Variants in PRKCH observed in about 807,000 individuals in gnomAD.
The protein encoded by PRKCH is protein kinase C eta type.
A neutral mutation model predicts 82.5 loss-of-function variants in PRKCH; 28 were observed. The observed-to-expected ratio is 0.34, with a 90% CI of 0.25 to 0.47. The LOEUF (loss-of-function observed/expected upper bound fraction) is 0.47, where lower values mean the gene tolerates loss of function less well. PRKCH is among the 20% of genes least tolerant of loss of function. The pLI is 1.00. For missense variants in PRKCH, 705 were observed against 881.8 expected (o/e 0.80, Z 2.54); for synonymous variants, 322 against 327.4 (o/e 0.98, Z 0.18).
chr14:61,292,606 A>T (rs2045373194), intron 1 of PRKCH, among the ~76,000 whole-genome samples: 1 of 152,004 alleles, frequency 6.6e-6, no homozygotes, highest in Non-Finnish European at 1.5e-5. Flanking sequence ...CCCCATCTCT[A>T]CTAAAAATAC....
At chr14:61,498,134 C>T (rs527842228) in intron 10 of PRKCH, among the ~76,000 whole-genome samples, 1 of 152,242 alleles carries the variant, frequency 6.6e-6, no homozygotes, top group African/African-American at 2.4e-5. Context: ...CTGCCTCAGC[C>T]TCCCAAGTGC....
At chr14:61,416,891 T>C (rs1342407913) in intron 2 of PRKCH, among the ~76,000 whole-genome samples, 1 of 152,158 alleles carries the variant, frequency 6.6e-6, no homozygotes, top group Non-Finnish European at 1.5e-5. Context: ...GGCTTAGCGG[T>C]CCTGTCTCCA....
intron 1 of PRKCH, among the ~76,000 whole-genome samples, chr14:61,190,482 A>C (rs2044399775): frequency 6.6e-6 from 1 of 152,232 alleles, no homozygotes; most frequent in Non-Finnish European, 1.5e-5. Context: ...TTTAAAAGCA[A>C]AAATTCAAGA....
Position 61,505,395 on chromosome 14 carries a change from C to CTTTTCTTTTTTTTTTTT in PRKCH, c.1433+19743_1433+19744insCTTTTTTTTTTTTTTTT, listed in dbSNP as rs762878496. ...TTTGTCTTTTCTTTTCTTTTCTTTT[C>CTTTTCTTTTTTTTTTTT]TTTTTTTTTTTTTTTTTTTTTTTTT... On this transcript the variant is annotated intron_variant, in intron 10 of 13. Transcript: ENST00000332981. Among the ~76,000 whole-genome samples the CTTTTCTTTTTTTTTTTT allele has an allele frequency of 1.1e-4, 6 of 55,738 alleles. No homozygotes were observed. The East Asian group carries it at 2.4e-3, about 22-fold the overall frequency. 36.6% of individuals were successfully genotyped at this position (55,738 alleles called of 152,430 possible).
intron 10 of PRKCH, among the ~76,000 whole-genome samples, chr14:61,502,091 G>A (rs1886943999): frequency 8.0e-6 from 1 of 125,212 alleles, no homozygotes; most frequent in Non-Finnish European, 1.6e-5. Flanking sequence ...TTCCGAGATG[G>A]AGTCTCACTC....
At chr14:61,489,510 T>A (rs1886369533) in intron 10 of PRKCH, among the ~76,000 whole-genome samples, 1 of 152,168 alleles carries the variant, frequency 6.6e-6, no homozygotes. Flanking sequence ...TGTATTCACT[T>A]GTATTTTGTG....
At chr14:61,295,490 G>C (rs1869727303) in intron 1 of PRKCH, among the ~76,000 whole-genome samples, 1 of 152,150 alleles carries the variant, frequency 6.6e-6, no homozygotes, top group African/African-American at 2.4e-5. Flanking sequence ...ACTAAATATG[G>C]GACCTCAGGT....
rs1566781670 is a variant in PRKCH, at chr14:61,210,130, AT to A, written c.-19+22463del. Among the ~76,000 whole-genome samples the A allele has an allele frequency of 7.1e-4, 25 of 35,124 alleles. 1 individual carries two copies. The East Asian group carries it at 9.6e-3, about 13-fold the overall frequency. 23.0% of individuals were successfully genotyped at this position (35,124 alleles called of 152,430 possible). A position where few individuals can be genotyped will look rare whatever the true frequency, so the allele number is the denominator to read the frequency against. On this transcript the variant is annotated intron_variant, in intron 1 of 3. Transcript: ENST00000555185. ...CAAACAAATATATATATATATATATATATATATATATATATATATATATATA... is the reference window on the plus strand; with the variant it reads ...CAAACAAATATATATATATATATATAATATATATATATATATATATATATA...
intron 1 of PRKCH, among the ~76,000 whole-genome samples, chr14:61,291,088 C>T (rs1410792922): frequency 6.6e-6 from 1 of 152,162 alleles, no homozygotes; most frequent in East Asian, 1.9e-4. Flanking sequence ...CCAAGTACAG[C>T]CTCAGAGATT....
Position 61,322,128 on chromosome 14 carries a change from T to C in PRKCH, c.27T>C (p.Asn9=). The change falls in exon 1 of 14, where the codon AAT becomes AAC. Residue 9 remains asparagine (N), a synonymous_variant. Coordinates refer to ENST00000332981, the MANE Select transcript of PRKCH (RefSeq NM_006255.5). MSSGTMKF[N]GYLRVRIGEA... ...TGTCGTCTGGCACCATGAAGTTCAA[T>C]GGCTATTTGAGGGTCCGCATCGGTG... 1 of 1,592,038 alleles carries C rather than the reference T, an allele frequency of 6.3e-7. No homozygotes were observed. The highest frequency in any genetic ancestry group is 1.1e-5 in the South Asian group (1 of 88,208).
intron 1 of PRKCH, among the ~76,000 whole-genome samples, chr14:61,198,408 C>T (rs557857658): frequency 5.3e-5 from 8 of 152,328 alleles, no homozygotes; most frequent in South Asian, 2.1e-4. Context: ...AAGCCTGACT[C>T]GTCAAGCAAA....
At chr14:61,301,852 C>A (rs758582026) in intron 1 of PRKCH, among the ~76,000 whole-genome samples, 1 of 152,128 alleles carries the variant, frequency 6.6e-6, no homozygotes, top group Non-Finnish European at 1.5e-5. Flanking sequence ...AAAAGAAGTA[C>A]ATATCTTAAA....
rs145909899 is a variant in PRKCH at position 61,205,471 on chromosome 14, C to T, written c.-19+17803C>T. Among the ~76,000 whole-genome samples, 23 of 152,312 alleles carry T rather than the reference C, an allele frequency of 1.5e-4. No individual in the cohort carries two copies. In the East Asian group the frequency reaches 4.0e-3, roughly 27 times the overall value. On this transcript the variant is annotated intron_variant, in intron 1 of 3. Transcript: ENST00000555185. ...CAACCTTGGAAGCCCCATTACCACT[C>T]CTGGGCTTCCAGGGGAGAGGCAAGG...
At chr14:61,300,383 CAG>C (rs1188676333) in intron 1 of PRKCH, among the ~76,000 whole-genome samples, 2 of 152,142 alleles carry the variant, frequency 1.3e-5, no homozygotes, top group Non-Finnish European at 2.9e-5. Flanking sequence ...CTTGATGAAA[CAG>C]AATTTATTGA....
chr14:61,272,340 CTTTCTTTTTT>C (rs1364834988), intron 1 of PRKCH, among the ~76,000 whole-genome samples: 9 of 97,828 alleles, frequency 9.2e-5, no homozygotes, highest in African/African-American at 2.0e-4. Context: ...TTTCTTTTTT[CTTTCTTTTTT>C]TTTTTTTTTT....
chr14:61,221,633 G>A (rs980609579), intron 1 of PRKCH, among the ~76,000 whole-genome samples: 1 of 151,982 alleles, frequency 6.6e-6, no homozygotes, highest in African/African-American at 2.4e-5. Context: ...TCTGTTCCCC[G>A]GGGATAGGAC....
intron 10 of PRKCH, among the ~76,000 whole-genome samples, chr14:61,516,109 T>C (rs891541506): frequency 6.6e-6 from 1 of 152,110 alleles, no homozygotes; most frequent in Non-Finnish European, 1.5e-5. Flanking sequence ...ATGCTGCCCA[T>C]TGAAATCAGA....
intron 1 of PRKCH, among the ~76,000 whole-genome samples, chr14:61,251,879 G>A (rs190306957): frequency 1.6e-4 from 24 of 151,324 alleles, no homozygotes; most frequent in Admixed American, 1.4e-3. Context: ...TCGCTCTGTC[G>A]CCCAGGCTGG....
chr14:61,493,257 G>A (rs772654732), intron 10 of PRKCH, among the ~76,000 whole-genome samples: 6 of 152,312 alleles, frequency 3.9e-5, no homozygotes, highest in South Asian at 2.1e-4. Context: ...TGGAAGCTCC[G>A]TGGAGTCATT....
Sources: allele counts gnomAD v4.1 joint callset (sites outside exome capture counted in the v4.1 genomes callset), GRCh38; gene constraint gnomAD v4.1.1; transcripts MANE v1.5; gene names NCBI Gene and HGNC (gene_info 2026-07-23, HGNC 2026-07-21).